Variants in RHOBTB1 observed in about 807,000 individuals in gnomAD.
RHOBTB1 encodes the protein Rho related BTB domain containing 1.
RHOBTB1 carries 40 observed loss-of-function variants against 71.6 expected under a neutral mutation model. The ratio of observed to expected loss-of-function variants is 0.56; its 90% CI spans 0.43 to 0.73. The LOEUF (loss-of-function observed/expected upper bound fraction) is 0.73, where lower values mean the gene tolerates loss of function less well. Among genes scored for constraint, RHOBTB1 ranks in the 30% least tolerant of loss-of-function variants. The probability of loss-of-function intolerance (pLI) is 0.00; values close to 1 mark genes in which losing one functional copy is unlikely to be tolerated. For synonymous variants in RHOBTB1, 319 were observed against 334.9 expected (o/e 0.95, Z 0.52); for missense variants, 797 against 894.0 (o/e 0.89, Z 1.38).
intron 2 of RHOBTB1, among the ~76,000 whole-genome samples, chr10:60,926,730 C>T (rs770901065): frequency 6.6e-6 from 1 of 152,152 alleles, no homozygotes; most frequent in Non-Finnish European, 1.5e-5. Flanking sequence ...GAACATATCT[C>T]AACACAATAA....
At position 60,954,417 on chromosome 10, in the gene RHOBTB1, G is replaced by C. The variant is rs114157433; in HGVS notation, c.-61-12563C>G. 5.2e-3 allele frequency among the ~76,000 whole-genome samples: 796 copies of C among 152,228 alleles called. 5 individuals carry two copies. The highest frequency in any genetic ancestry group is 0.018 in the African/African-American group (754 of 41,516). ...AAATACTTAAAAACATATTCAATGA[G>C]CACTGAATGAATTCTTTCCATGTTC... On this transcript the variant is annotated intron_variant, in intron 2 of 11. Coordinates refer to the RHOBTB1 transcript ENST00000357917.
intron 4 of RHOBTB1, among the ~76,000 whole-genome samples, chr10:60,901,068 G>A (rs2082393067): frequency 6.6e-6 from 1 of 152,176 alleles, no homozygotes; most frequent in South Asian, 2.1e-4. Flanking sequence ...TAAGGCTTAA[G>A]AAAGCCCTCT....
upstream of RHOBTB1, among the ~76,000 whole-genome samples, chr10:60,946,545 A>T (rs1231788172): frequency 6.6e-6 from 1 of 152,132 alleles, no homozygotes; most frequent in African/African-American, 2.4e-5. Flanking sequence ...AGGCATGCAG[A>T]AGTTAGTTTT....
chr10:60,936,928 G>A (rs532643511), intron 2 of RHOBTB1, among the ~76,000 whole-genome samples: 44 of 152,292 alleles, frequency 2.9e-4, no homozygotes, highest in Admixed American at 2.0e-3. Flanking sequence ...CACTGGGAAA[G>A]ACATATACTT....
At chr10:60,881,924 T>G (rs2081344991) in intron 7 of RHOBTB1, among the ~76,000 whole-genome samples, 1 of 152,198 alleles carries the variant, frequency 6.6e-6, no homozygotes, top group African/African-American at 2.4e-5. Flanking sequence ...CGTTAACATT[T>G]TTTGAAGTGA....
At chr10:61,000,702 G>T (rs2087232164) in intron 1 of RHOBTB1, among the ~76,000 whole-genome samples, 1 of 151,942 alleles carries the variant, frequency 6.6e-6, no homozygotes, top group Admixed American at 6.6e-5. Flanking sequence ...TAAAAATCAA[G>T]TGAGTATTCA....
At chr10:60,886,879 CTTT>C (rs1216746070) in intron 6 of RHOBTB1, among the ~76,000 whole-genome samples, 1 of 143,894 alleles carries the variant, frequency 6.9e-6, no homozygotes, top group Non-Finnish European at 1.5e-5. Flanking sequence ...TGTGTATAGA[CTTT>C]TTTTTTTTTA....
Position 60,987,919 on chromosome 10 carries a change from C to CTTTT in RHOBTB1, c.-162-1978_-162-1975dup, listed in dbSNP as rs71018937. Among the ~76,000 whole-genome samples, 413 of 53,730 alleles carry CTTTT rather than the reference C, an allele frequency of 7.7e-3. 38 individuals carry two copies. Among genetic ancestry groups the CTTTT allele is most frequent in the African/African-American group, 0.011 (148 of 13,758 alleles). 35.2% of individuals were successfully genotyped at this position (53,730 alleles called of 152,430 possible). On this transcript the variant is annotated intron_variant, in intron 1 of 11. Transcript: ENST00000357917. ...GCTGTCTGCTGTCTGAAATACTCAA[C>CTTTT]TTTTTTTTTTTTTTTTTTTTTTTTT...
chr10:60,889,358 T>C (rs1025670199), intron 5 of RHOBTB1, among the ~76,000 whole-genome samples, 173 bp from the exon 6 acceptor site: 1 of 152,202 alleles, frequency 6.6e-6, no homozygotes, highest in Non-Finnish European at 1.5e-5. Flanking sequence ...GAGTTATGAT[T>C]GAAGGAAAAA....
chr10:60,915,139 G>A (rs931781496), intron 2 of RHOBTB1, among the ~76,000 whole-genome samples: 7 of 152,118 alleles, frequency 4.6e-5, no homozygotes, highest in Admixed American at 4.6e-4. Context: ...TAAATCATTT[G>A]TTCATTTGTT....
rs2081986371 is a variant in RHOBTB1, at chr10:60,892,855, T to C, written c.437A>G (p.Tyr146Cys). 11 of 1,613,914 alleles carry C rather than the reference T, an allele frequency of 6.8e-6. No homozygotes were observed. Among genetic ancestry groups the C allele is most frequent in the Non-Finnish European group, 8.5e-6 (10 of 1,179,918 alleles). ...TCGATTAACAGCTTCCAGGTCGGCA[T>C]AGCGGAGATCAAGCTGGCACCCAAC... The part of the protein sequence containing the change: ...ILVGCQLDLR[Y>C]ADLEAVNRAR... The change falls in exon 5 of 11, where the codon TAT becomes TGT. Residue 146 changes from tyrosine to cysteine, a missense_variant. Tyr to Cys is a radical substitution (Grantham distance 194). This residue lies in a region of RHOBTB1 where 139 missense variants were observed against 212.5 expected (regional missense o/e 0.65). Coordinates refer to ENST00000337910, the MANE Select transcript of RHOBTB1 (RefSeq NM_014836.5).
At chr10:60,904,836 C>T (rs188465017) in intron 4 of RHOBTB1, among the ~76,000 whole-genome samples, 22 of 152,142 alleles carry the variant, frequency 1.4e-4, no homozygotes, top group Admixed American at 1.4e-3. Context: ...TTCTTTCATG[C>T]CTTTCTACTT....
intron 2 of RHOBTB1, among the ~76,000 whole-genome samples, chr10:60,954,056 G>C (rs980792690): frequency 1.3e-5 from 2 of 152,120 alleles, no homozygotes; most frequent in African/African-American, 4.8e-5. Flanking sequence ...TTTTTTAAAA[G>C]TGTATGTGTG....
At chr10:60,880,452 C>T (rs890486700) in intron 7 of RHOBTB1, among the ~76,000 whole-genome samples, 11 of 152,174 alleles carry the variant, frequency 7.2e-5, no homozygotes, top group Non-Finnish European at 1.6e-4. Context: ...AGACCCATCC[C>T]TTAACGTATC....
At position 60,920,693 on chromosome 10, in the gene RHOBTB1, A is replaced by G. The variant is rs986604301; in HGVS notation, c.-10-9141T>C. Among the ~76,000 whole-genome samples the G allele has an allele frequency of 2.0e-4, 30 of 150,964 alleles. 1 individual carries two copies. Among genetic ancestry groups the G allele is most frequent in the Non-Finnish European group, 7.4e-5 (5 of 67,896 alleles). ...TGAGTCAAAGCTTGCTCTGTCACCC[A>G]GGCTAGAGTGCAGTGGCACAATCTC... On this transcript the variant is annotated intron_variant, in intron 2 of 10. Transcript: ENST00000337910.
At chr10:60,983,708 T>C (rs928249954) in intron 2 of RHOBTB1, among the ~76,000 whole-genome samples, 8 of 152,190 alleles carry the variant, frequency 5.3e-5, no homozygotes, top group Non-Finnish European at 8.8e-5. Flanking sequence ...CCCCTAAAGA[T>C]AGTTTAGTAT....
chr10:60,961,854 G>T (rs1023388719), intron 2 of RHOBTB1, among the ~76,000 whole-genome samples: 1 of 149,648 alleles, frequency 6.7e-6, no homozygotes, highest in African/African-American at 2.5e-5. Context: ...TATCACCCAG[G>T]CTGGAGTGTA....
intron 2 of RHOBTB1, among the ~76,000 whole-genome samples, chr10:60,921,421 C>G (rs2083556089): frequency 6.6e-6 from 1 of 152,208 alleles, no homozygotes; most frequent in Non-Finnish European, 1.5e-5. Flanking sequence ...CGGCCAAGTA[C>G]AGATTCAAGT....
chr10:60,956,014 C>A (rs2085580041), intron 2 of RHOBTB1, among the ~76,000 whole-genome samples: 2 of 152,186 alleles, frequency 1.3e-5, no homozygotes, highest in African/African-American at 4.8e-5. Context: ...CATCCCTTAA[C>A]AACAGGGATA....
Sources: gnomAD v4.1 joint callset for allele counts (sites outside exome capture counted in the v4.1 genomes callset) on GRCh38, gnomAD v4.1.1 for gene constraint, gnomAD v4.1.1 regional missense constraint, MANE v1.5 for transcripts, NCBI Gene and HGNC (gene_info 2026-07-23, HGNC 2026-07-21) for gene names.